RNF216: variants seen among roughly 807,000 people sequenced by gnomAD.
RNF216 encodes the protein ring finger protein 216.
RNF216 carries 72 observed loss-of-function variants against 110.8 expected under a neutral mutation model. The observed-to-expected ratio is 0.65, with a 90% CI of 0.54 to 0.79. The LOEUF is 0.79. Ranked by LOEUF, RNF216 falls within the 30% of genes least tolerant of loss-of-function variation. RNF216 has a pLI of 0.00. For synonymous variants in RNF216, 495 were observed against 407.5 expected, an observed-to-expected ratio of 1.21 and a Z score of -2.59; for missense variants, 1,342 against 1,141.2, an observed-to-expected ratio of 1.18 and a Z score of -2.54.
chr7:5,650,530 G>C (rs1260906502), intron 14 of RNF216, among the ~76,000 whole-genome samples: 3 of 152,080 alleles, frequency 2.0e-5, no homozygotes, highest in African/African-American at 7.2e-5. Flanking sequence ...CTGCTCATTT[G>C]GGTTGTCTGC....
intron 2 of RNF216, among the ~76,000 whole-genome samples, chr7:5,758,536 C>T (rs1181831015): frequency 6.6e-6 from 1 of 152,160 alleles, no homozygotes; most frequent in East Asian, 1.9e-4. Context: ...AGCAGGACTG[C>T]ACGAGACTTT....
chr7:5,755,785 T>C (rs749408415), intron 2 of RNF216, among the ~76,000 whole-genome samples: 14 of 152,190 alleles, frequency 9.2e-5, no homozygotes, highest in Non-Finnish European at 1.8e-4. Context: ...GGTGTACTCA[T>C]TTTAGCTGGA....
intron 3 of RNF216, among the ~76,000 whole-genome samples, chr7:5,748,330 G>A (rs941471390): frequency 6.6e-6 from 1 of 152,152 alleles, no homozygotes; most frequent in African/African-American, 2.4e-5. Flanking sequence ...GGAAGCTCTG[G>A]TTAGTCTTTG....
intron 13 of RNF216, among the ~76,000 whole-genome samples, chr7:5,705,183 G>A (rs1344814105): frequency 2.6e-5 from 4 of 152,030 alleles, no homozygotes; most frequent in African/African-American, 9.7e-5. Flanking sequence ...CTGATCTAGG[G>A]TCACTGATTT....
At chr7:5,648,768 A>C (rs1788206324) in intron 14 of RNF216, among the ~76,000 whole-genome samples, 1 of 151,632 alleles carries the variant, frequency 6.6e-6, no homozygotes, top group South Asian at 2.1e-4. Context: ...AACGCAGGGG[A>C]CAGAAGAACA....
At chr7:5,656,874 T>C (rs577032486) in intron 13 of RNF216, among the ~76,000 whole-genome samples, 13 of 152,212 alleles carry the variant, frequency 8.5e-5, no homozygotes, top group Admixed American at 5.2e-4. Context: ...CAAGAACCAG[T>C]AGACAAATGT....
At chr7:5,632,841 C>T (rs934945930) in intron 15 of RNF216, among the ~76,000 whole-genome samples, 1 of 152,162 alleles carries the variant, frequency 6.6e-6, no homozygotes, top group Non-Finnish European at 1.5e-5. Flanking sequence ...CTATGGATCA[C>T]AGTGGGATCC....
In RNF216 at chr7:5,708,279, T is replaced by C. The variant is rs899501411; in HGVS notation, c.2061+3482A>G. 3.9e-5 allele frequency among the ~76,000 whole-genome samples: 6 copies of C among 152,248 alleles called. No homozygotes were observed. The East Asian group carries it at 1.2e-3, about 29-fold the overall frequency. On this transcript the variant is annotated intron_variant, in intron 13 of 16. Coordinates refer to ENST00000389902, the MANE Select transcript of RNF216 (RefSeq NM_207111.4). ...TATAGTGTTGTTCAAGTCAGCTGTTTCCTTACTAATCTTCTGCCTGGTGGT... is the reference window on the plus strand; with the variant it reads ...TATAGTGTTGTTCAAGTCAGCTGTTCCCTTACTAATCTTCTGCCTGGTGGT...
At chr7:5,739,599 G>A (rs955470929) in intron 4 of RNF216, 15 of 581,046 alleles carry the variant, frequency 2.6e-5, no homozygotes, top group African/African-American at 2.6e-4. Context: ...ATTCTTCATT[G>A]CTTCAACAAA....
intron 14 of RNF216, chr7:5,649,561 T>A (rs1406478600): frequency 3.3e-5 from 5 of 151,738 alleles, no homozygotes; most frequent in African/African-American, 1.2e-4. Context: ...TGCTCTTTGG[T>A]CCCAGAGGGG....
chr7:5,681,845 G>A (rs934564786), intron 13 of RNF216, among the ~76,000 whole-genome samples: 2 of 152,202 alleles, frequency 1.3e-5, no homozygotes, highest in African/African-American at 2.4e-5. Flanking sequence ...GAGGATAGGA[G>A]GTGAAAAGGC....
chr7:5,718,759 C>G (rs1157282723), intron 9 of RNF216, among the ~76,000 whole-genome samples: 1 of 152,108 alleles, frequency 6.6e-6, no homozygotes, highest in Non-Finnish European at 1.5e-5. Flanking sequence ...GTTGGTCAGG[C>G]TGGTCTGTAA....
At chr7:5,684,380 T>A (rs1360864178) in intron 13 of RNF216, among the ~76,000 whole-genome samples, 1 of 151,660 alleles carries the variant, frequency 6.6e-6, no homozygotes, top group African/African-American at 2.4e-5. Flanking sequence ...GTCCTGGGAT[T>A]ACAGGTGCGA....
chr7:5,673,634 C>G (rs1790070496), intron 13 of RNF216, among the ~76,000 whole-genome samples: 1 of 152,184 alleles, frequency 6.6e-6, no homozygotes, highest in African/African-American at 2.4e-5. Context: ...TTGGCTAGAT[C>G]TGGAGAATAA....
intron 13 of RNF216, among the ~76,000 whole-genome samples, chr7:5,676,555 C>T (rs1422700953): frequency 3.3e-5 from 5 of 151,974 alleles, no homozygotes; most frequent in African/African-American, 1.2e-4. Flanking sequence ...TCCGTCCTGT[C>T]TGCCTGGCTG....
chr7:5,720,893 C>T, intron 9 of RNF216, 140 bp downstream of exon 9: 2 of 747,600 alleles, frequency 2.7e-6, no homozygotes, highest in Non-Finnish European at 4.1e-6. Context: ...CAGGTTTTTT[C>T]TTTTAAAAAC....
chr7:5,726,247 T>C (rs1236882694), intron 7 of RNF216, among the ~76,000 whole-genome samples: 1 of 151,818 alleles, frequency 6.6e-6, no homozygotes, highest in Non-Finnish European at 1.5e-5. Context: ...CTGCACTCCA[T>C]CCTGGGTAAC....
At chr7:5,698,688 C>T (rs763864272) in intron 13 of RNF216, among the ~76,000 whole-genome samples, 3 of 152,142 alleles carry the variant, frequency 2.0e-5, no homozygotes, top group South Asian at 2.1e-4. Flanking sequence ...GCCACCGCTC[C>T]GGCCTCTTGG....
At chr7:5,704,830 C>T (rs538761751) in intron 13 of RNF216, among the ~76,000 whole-genome samples, 2 of 152,234 alleles carry the variant, frequency 1.3e-5, no homozygotes, top group East Asian at 3.9e-4. Context: ...CTTTATTTTC[C>T]ATGATGGGCC....
Sources: allele counts gnomAD v4.1 joint callset (sites outside exome capture counted in the v4.1 genomes callset), GRCh38; gene constraint gnomAD v4.1.1; transcripts MANE v1.5; gene names NCBI Gene and HGNC (gene_info 2026-07-23, HGNC 2026-07-21).